The following PALMD variants were observed in gnomAD, a reference collection of about 807,000 sequenced individuals.
PALMD encodes paralemmin-like protein.
A neutral mutation model predicts 56.2 loss-of-function variants in PALMD; 42 were observed. That is an observed-to-expected ratio of 0.75 (90% CI 0.58 to 0.97). PALMD has a LOEUF of 0.97. Among genes scored for constraint, PALMD ranks in the 50% least tolerant of loss-of-function variants. PALMD has a pLI of 0.00. For missense variants in PALMD, 660 were observed against 643.8 expected (o/e 1.03, Z -0.27); for synonymous variants, 242 against 222.9 (o/e 1.09, Z -0.76).
At chr1:99,660,727 C>G (rs1455532596) in intron 1 of PALMD, among the ~76,000 whole-genome samples, 1 of 151,844 alleles carries the variant, frequency 6.6e-6, no homozygotes, top group Admixed American at 6.6e-5. Context: ...CTCAACAAAA[C>G]ACCAAAAAAT....
intron 1 of PALMD, among the ~76,000 whole-genome samples, chr1:99,648,632 A>T (rs1197925997): frequency 1.3e-5 from 2 of 151,986 alleles, no homozygotes; most frequent in African/African-American, 4.8e-5. Context: ...GCACCCAGAC[A>T]TAGCAACACA....
Position 99,689,010 on chromosome 1 carries a change from CTCT to C in PALMD, c.751_753del (p.Ser251del). The C allele has an allele frequency of 6.2e-7, 1 of 1,613,762 alleles. No homozygotes were observed. The highest frequency in any genetic ancestry group is 8.5e-7 in the Non-Finnish European group (1 of 1,179,820). On this transcript the variant is annotated inframe_deletion, in exon 7 of 8. Transcript: ENST00000263174. Reference sequence around the variant, plus strand: ...TTCTAAGACAAGCCTCAGAGAGAAACTCTAAATCCCCAACAGAGTATCATGAGC... The same window carrying C: ...TTCTAAGACAAGCCTCAGAGAGAAACAAATCCCCAACAGAGTATCATGAGC...
In PALMD at chr1:99,689,352, T is replaced by A. The variant is rs759656824; in HGVS notation, c.1092T>A (p.Ser364=). ...TCATGCAGGACAAAGATGCACCCTC[T>A]CCAAAGCCAAGGCTGAGCCCCAGAG... ...SNVMQDKDAP[S]PKPRLSPRET... is the part of the protein sequence containing the mutation. The change falls in exon 7 of 8, where the codon TCT becomes TCA. Residue 364 remains serine (S), a synonymous_variant. Transcript: ENST00000263174. The A allele has an allele frequency of 1.9e-6, 3 of 1,613,648 alleles. No individual in the cohort carries two copies. In the Admixed American group the frequency reaches 5.0e-5, roughly 27 times the overall value.
chr1:99,683,841 T>C (rs1653425690), intron 3 of PALMD: 1 of 152,336 alleles, frequency 6.6e-6, no homozygotes, highest in African/African-American at 2.4e-5. Flanking sequence ...TCTACTCTCT[T>C]GGCTCTTCCT....
intron 2 of PALMD, among the ~76,000 whole-genome samples, chr1:99,667,315 C>A (rs1652987366): frequency 6.6e-6 from 1 of 152,096 alleles, no homozygotes; most frequent in Non-Finnish European, 1.5e-5. Flanking sequence ...GTGATAAACA[C>A]ACAGTATGGC....
chr1:99,660,168 A>G (rs1652816206), intron 1 of PALMD, among the ~76,000 whole-genome samples: 1 of 152,238 alleles, frequency 6.6e-6, no homozygotes, highest in Admixed American at 6.5e-5. Context: ...GGTCACACTC[A>G]GTGCTTGTTG....
intron 6 of PALMD, among the ~76,000 whole-genome samples, chr1:99,687,615 G>A (rs375506581): frequency 6.6e-6 from 1 of 152,140 alleles, no homozygotes; most frequent in African/African-American, 2.4e-5. Flanking sequence ...ATGCTTCAAA[G>A]CTTCTAGAAA....
Position 99,688,782 on chromosome 1 carries a change from T to G in PALMD, c.522T>G (p.Tyr174Ter). Residue 174 changes from tyrosine (Y) to a stop codon, truncating the protein, a stop_gained, in exon 7 of 8, where the codon TAT (tyrosine) becomes TAG (stop). Transcript: ENST00000263174. LOFTEE classifies it high-confidence loss of function. ...AAATTTGTTTCTTAACAGCTTTATA[T>G]GCCATGGAAATTAAAGTTGAAAAAG... ...EDDEQNRKAL[Y>*]AMEIKVEKDL... 1 of 1,592,164 alleles carries G rather than the reference T, an allele frequency of 6.3e-7. No homozygotes were observed.
chr1:99,692,185 C>A (rs1427418934), intron 7 of PALMD, among the ~76,000 whole-genome samples: 1 of 152,166 alleles, frequency 6.6e-6, no homozygotes, highest in Non-Finnish European at 1.5e-5. Flanking sequence ...GTAGTCCTCA[C>A]CAACCTATTC....
intron 3 of PALMD, among the ~76,000 whole-genome samples, chr1:99,671,421 T>C (rs1173665664): frequency 6.6e-6 from 1 of 151,866 alleles, no homozygotes; most frequent in Non-Finnish European, 1.5e-5. Flanking sequence ...TGTGAGACAG[T>C]TATAGCCACT....
Position 99,674,623 on chromosome 1 carries a change from T to TTG in PALMD, c.251+6859_251+6860dup, listed in dbSNP as rs1553167819. Among the ~76,000 whole-genome samples the TTG allele has an allele frequency of 5.8e-3, 883 of 152,200 alleles. 8 individuals carry two copies. The highest frequency in any genetic ancestry group is 0.02 in the African/African-American group (848 of 41,518). On this transcript the variant is annotated intron_variant, in intron 3 of 7. Transcript: ENST00000263174. ...ACTCCCACCCAAAAAAAAAAAAAAT[T>TTG]TGTTTTTCTCTCTTTAAATCCCTTA...
chr1:99,683,008 A>AAGAAAGAAAG (rs1557673667), intron 3 of PALMD, among the ~76,000 whole-genome samples: 1 of 118,974 alleles, frequency 8.4e-6, no homozygotes. Flanking sequence ...TCTGTCTCCA[A>AAGAAAGAAAG]AAAGAAAGAA....
intron 2 of PALMD, among the ~76,000 whole-genome samples, chr1:99,665,442 C>A (rs1273184809): frequency 1.3e-5 from 2 of 152,062 alleles, no homozygotes; most frequent in Admixed American, 6.5e-5. Context: ...GATTGCACAT[C>A]CAAATTGCAT....
chr1:99,662,154 T>A (rs1002319309), intron 1 of PALMD, among the ~76,000 whole-genome samples, 165 bp from the exon 2 acceptor site: 10 of 152,200 alleles, frequency 6.6e-5, no homozygotes, highest in Non-Finnish European at 1.3e-4. Flanking sequence ...GCTTCAAATG[T>A]CTCACTTCGC....
In PALMD at chr1:99,689,778, G is replaced by A. The variant is rs765937010; in HGVS notation, c.1518G>A (p.Leu506=). The A allele has an allele frequency of 6.2e-7, 1 of 1,613,802 alleles. No individual in the cohort carries two copies. Among genetic ancestry groups the A allele is most frequent in the Non-Finnish European group, 8.5e-7 (1 of 1,179,848 alleles). ...HKSPHKNSIS[L]KEQEESLGSP... ...CCCCCCACAAAAATTCCATATCTCT[G>A]AAAGAGCAAGAAGAAAGCTTAGGCA... The change falls in exon 7 of 8, where the codon CTG becomes CTA. Residue 506 remains leucine, a synonymous_variant. Coordinates refer to ENST00000263174, the MANE Select transcript of PALMD (RefSeq NM_017734.5).
chr1:99,672,953 A>C (rs920548958), intron 3 of PALMD, among the ~76,000 whole-genome samples: 24 of 152,272 alleles, frequency 1.6e-4, no homozygotes, highest in South Asian at 4.1e-4. Context: ...CGCCTTCCAC[A>C]GATGATACAA....
chr1:99,648,181 T>TA (rs1161577715), intron 1 of PALMD, among the ~76,000 whole-genome samples: 1 of 152,176 alleles, frequency 6.6e-6, no homozygotes, highest in East Asian at 1.9e-4. Context: ...TATACTTGTA[T>TA]AAAGGTTGTA....
chr1:99,646,997 C>T lies in PALMD; in HGVS notation c.45+635C>T, dbSNP rs541412391. Among the ~76,000 whole-genome samples the T allele has an allele frequency of 2.0e-5, 3 of 152,218 alleles. No homozygotes were observed. In the South Asian group the frequency reaches 6.2e-4, roughly 32 times the overall value. On this transcript the variant is annotated intron_variant, in intron 1 of 7. Coordinates refer to ENST00000263174, the MANE Select transcript of PALMD (RefSeq NM_017734.5). ...TCCTGATAAAGGAATGCAGTGCATG[C>T]AGTGGATTTGGAAAATATTTTGTTA...
intron 1 of PALMD, 125 bp downstream of exon 1, chr1:99,646,487 GTC>G (rs1230957478): frequency 2.7e-6 from 2 of 753,326 alleles, no homozygotes; most frequent in Admixed American, 1.9e-5. Flanking sequence ...TCATGGACGA[GTC>G]TCTGTTTCTC....
Sources: gnomAD v4.1 joint callset for allele counts (sites outside exome capture counted in the v4.1 genomes callset) on GRCh38, gnomAD v4.1.1 for gene constraint, MANE v1.5 for transcripts, NCBI Gene and HGNC (gene_info 2026-07-23, HGNC 2026-07-21) for gene names.